CENPP: variants seen among roughly 807,000 people sequenced by gnomAD.
The protein encoded by CENPP is centromere protein P.
A neutral mutation model predicts 35.6 loss-of-function variants in CENPP; 24 were observed. The ratio of observed to expected loss-of-function variants is 0.67; its 90% confidence interval spans 0.49 to 0.95. CENPP has a LOEUF of 0.95. Ranked by LOEUF, CENPP falls within the 40% of genes least tolerant of loss-of-function variation. The pLI, the probability that CENPP is intolerant of heterozygous loss-of-function variation, is 0.00. For missense variants in CENPP, 332 were observed against 345.3 expected (o/e 0.96, Z 0.31); for synonymous variants, 120 against 125.5 (o/e 0.96, Z 0.29).
At chr9:92,349,232 G>T (rs1012906918) in intron 4 of CENPP, among the ~76,000 whole-genome samples, 1 of 151,998 alleles carries the variant, frequency 6.6e-6, no homozygotes, top group Non-Finnish European at 1.5e-5. Context: ...AGTACTGTCT[G>T]CCAGTGGGCC....
intron 5 of CENPP, among the ~76,000 whole-genome samples, chr9:92,562,514 C>T (rs1052788052): frequency 6.6e-6 from 1 of 151,922 alleles, no homozygotes; most frequent in East Asian, 1.9e-4. Context: ...CCCCAGTTTT[C>T]TTATCTTCAA....
chr9:92,390,249 C>G (rs1472668599), intron 5 of CENPP, among the ~76,000 whole-genome samples: 1 of 152,070 alleles, frequency 6.6e-6, no homozygotes, highest in African/African-American at 2.4e-5. Flanking sequence ...AAATTGATTC[C>G]CTTTCTGACT....
Position 92,617,006 on chromosome 9 carries a change from T to C in CENPP, c.*3857T>C, listed in dbSNP as rs577944352. 1 of 152,386 alleles carries C rather than the reference T, an allele frequency of 6.6e-6. No individual in the cohort carries two copies. The highest frequency in any genetic ancestry group is 2.1e-4 in the South Asian group (1 of 4,828). 9.4% of individuals were successfully genotyped at this position (152,386 alleles called of 1,614,324 possible). A position where few individuals can be genotyped will look rare whatever the true frequency, so the allele number is the denominator to read the frequency against. On this transcript the variant is annotated 3_prime_UTR_variant, in exon 8 of 8. Transcript: ENST00000375587. ...GTCCCTGCTCTGACGCTGCTCACCA[T>C]GGCCTTGGCGCTCACTGCTGCCCTG...
chr9:92,577,933 A>C, intron 5 of CENPP, among the ~76,000 whole-genome samples: 1 of 142,806 alleles, frequency 7.0e-6, no homozygotes, highest in Non-Finnish European at 1.5e-5. Context: ...ATATCTCCCA[A>C]TGCTATCCCT....
intron 5 of CENPP, among the ~76,000 whole-genome samples, chr9:92,415,981 T>TAC: frequency 6.9e-6 from 1 of 145,812 alleles, no homozygotes; most frequent in East Asian, 2.0e-4. Context: ...GTTATATATA[T>TAC]ATGTATAAAT....
At chr9:92,332,132 A>G in intron 1 of CENPP, 38 bp from the exon 2 acceptor site, 3 of 1,390,246 alleles carry the variant, frequency 2.2e-6, no homozygotes, top group Non-Finnish European at 3.0e-6. Flanking sequence ...AACACGTGTT[A>G]GTAATTGGAG....
intron 5 of CENPP, among the ~76,000 whole-genome samples, chr9:92,474,127 G>T (rs143261961): frequency 2.0e-5 from 3 of 152,278 alleles, no homozygotes; most frequent in Non-Finnish European, 2.9e-5. Flanking sequence ...ATTTTAAAAA[G>T]ACTTTATCCA....
chr9:92,420,848 T>C (rs1044219228), intron 5 of CENPP, among the ~76,000 whole-genome samples: 1 of 149,566 alleles, frequency 6.7e-6, no homozygotes, highest in African/African-American at 2.4e-5. Context: ...TTCTGTGAGA[T>C]TCGTGGAAGA....
At chr9:92,424,284 G>C (rs1843901180) in intron 5 of CENPP, 1 of 152,118 alleles carries the variant, frequency 6.6e-6, no homozygotes, top group African/African-American at 2.4e-5. Flanking sequence ...TTCTTTAACT[G>C]AGTCTCTTAA....
intron 5 of CENPP, among the ~76,000 whole-genome samples, chr9:92,436,572 A>G (rs745887567): frequency 9.2e-5 from 14 of 152,250 alleles, no homozygotes; most frequent in Non-Finnish European, 1.8e-4. Flanking sequence ...GTTAATTTTT[A>G]TATAGGGTTT....
At chr9:92,334,647 A>T (rs1408046176) in intron 2 of CENPP, among the ~76,000 whole-genome samples, 1 of 152,138 alleles carries the variant, frequency 6.6e-6, no homozygotes, top group Non-Finnish European at 1.5e-5. Flanking sequence ...TGGGAGGCCT[A>T]TGTGGGCAGG....
chr9:92,542,378 A>G (rs1427745997), intron 5 of CENPP, among the ~76,000 whole-genome samples: 1 of 151,970 alleles, frequency 6.6e-6, no homozygotes, highest in Non-Finnish European at 1.5e-5. Context: ...TACTGTGTAG[A>G]TATTTCTTAA....
At chr9:92,369,359 C>A (rs970912548) in intron 4 of CENPP, among the ~76,000 whole-genome samples, 1 of 152,066 alleles carries the variant, frequency 6.6e-6, no homozygotes, top group Non-Finnish European at 1.5e-5. Context: ...GAGGACCTGT[C>A]CCTAGTTAAC....
At chr9:92,372,804 G>A (rs145819836) in intron 4 of CENPP, among the ~76,000 whole-genome samples, 58 of 151,574 alleles carry the variant, frequency 3.8e-4, no homozygotes, top group African/African-American at 1.4e-3. Flanking sequence ...TAGTCTGATT[G>A]AGGTTTTTTC....
chr9:92,516,888 C>T (rs1005730998), intron 5 of CENPP: 3 of 152,204 alleles, frequency 2.0e-5, no homozygotes, highest in African/African-American at 7.2e-5. Flanking sequence ...ACCCTGTGAT[C>T]ATCTGTGTGC....
intron 5 of CENPP, among the ~76,000 whole-genome samples, chr9:92,575,029 G>C (rs1270378823): frequency 6.6e-6 from 1 of 152,132 alleles, no homozygotes; most frequent in African/African-American, 2.4e-5. Context: ...TATGAAGTTG[G>C]AACCTTAGCT....
At chr9:92,611,206 C>A (rs1851231752) in intron 5 of CENPP, 108 bp from the exon 6 acceptor site, 1 of 872,068 alleles carries the variant, frequency 1.1e-6, no homozygotes, top group Non-Finnish European at 1.9e-6. Context: ...TGCGCAAACA[C>A]TCGGACCCTG....
intron 1 of CENPP, among the ~76,000 whole-genome samples, chr9:92,327,892 C>CTTGTTTATAA (rs1227812207): frequency 2.0e-5 from 3 of 152,126 alleles, no homozygotes; most frequent in Non-Finnish European, 1.5e-5. Context: ...GGCCTTAGGT[C>CTTGTTTATAA]TTGTTTATAA....
chr9:92,382,084 T>G (rs1564287394), intron 5 of CENPP, among the ~76,000 whole-genome samples: 2 of 152,172 alleles, frequency 1.3e-5, no homozygotes, highest in East Asian at 3.9e-4. Flanking sequence ...GGGTTGTTTT[T>G]TGTTGTTGAA....
Sources: gnomAD v4.1 joint callset for allele counts (sites outside exome capture counted in the v4.1 genomes callset) on GRCh38, gnomAD v4.1.1 for gene constraint, MANE v1.5 for transcripts, NCBI Gene and HGNC (gene_info 2026-07-23, HGNC 2026-07-21) for gene names.